Variants in APOF observed in about 807,000 individuals in gnomAD.
APOF encodes apolipoprotein F.
A neutral mutation model predicts 2.4 loss-of-function variants in APOF; 2 were observed. The ratio of observed to expected loss-of-function variants is 0.83; its 90% CI spans 0.34 to 2.61. The LOEUF is 2.61. APOF is among the 30% of genes most tolerant of loss of function. APOF has a pLI of 0.11. For missense variants in APOF, 370 were observed against 388.7 expected (o/e 0.95, Z 0.40); for synonymous variants, 149 against 155.6 (o/e 0.96, Z 0.32).
chr12:56,361,503 C>T lies in APOF; in HGVS notation c.703G>A (p.Gly235Arg), dbSNP rs763820304. 6.2e-7 allele frequency: 1 copy of T among 1,614,032 alleles called. No individual in the cohort carries two copies. Among genetic ancestry groups the T allele is most frequent in the South Asian group, 1.1e-5 (1 of 91,088 alleles). The change falls in exon 2 of 2, where the codon GGG becomes AGG. Residue 235 changes from glycine (G) to arginine (R), a missense_variant. Gly to Arg is a moderately radical substitution (Grantham distance 125). Transcript: ENST00000398189. Reference protein sequence around the residue: ...LLMTMAGMSGGPMGLAISAAL... With the variant: ...LLMTMAGMSGRPMGLAISAAL... ...GCACTGATCGCTAGACCCATAGGCC[C>T]CCCTGACATCCCAGCCATGGTCATC...
At position 56,361,805 on chromosome 12, in the gene APOF, C is replaced by T. The variant is rs1382059382; in HGVS notation, c.401G>A (p.Arg134Lys). 8 of 1,612,742 alleles carry T rather than the reference C, an allele frequency of 5.0e-6. No individual in the cohort carries two copies. The highest frequency in any genetic ancestry group is 5.9e-6 in the Non-Finnish European group (7 of 1,179,436). The change falls in exon 2 of 2, where the codon AGA becomes AAA. Residue 134 changes from arginine to lysine, a missense_variant. Physicochemically the swap from Arg to Lys is conservative, Grantham distance 26 (BLOSUM62 2). Coordinates refer to ENST00000398189, the MANE Select transcript of APOF (RefSeq NM_001638.4). ...IQHLRGLQKG[R>K]STERNVSVEA... ...CACTGACACGTTCCTCTCTGTGCTT[C>T]TGCCTTTCTGGAGCCCTCGAAGATG...
chr12:56,362,169 G>A lies in APOF; in HGVS notation c.37C>T (p.Arg13Cys), dbSNP rs539168304. The A allele has an allele frequency of 2.4e-5, 39 of 1,612,894 alleles. No homozygotes were observed. The highest frequency in any genetic ancestry group is 1.8e-4 in the East Asian group (8 of 44,902). Reference sequence around the variant, plus strand: ...GGTATCATGATGAGTCTGAGGCCACGCATGTCTGGAGCAGAGTACCCTAGA... The same window carrying A: ...GGTATCATGATGAGTCTGAGGCCACACATGTCTGGAGCAGAGTACCCTAGA... ...GLCGYSAPDMRGLRLIMIPVE... is the reference protein window; with the variant it reads ...GLCGYSAPDMCGLRLIMIPVE... Residue 13 changes from arginine to cysteine, a missense_variant, in exon 2 of 2, where the codon CGT (arginine) becomes TGT (cysteine). Coordinates refer to ENST00000398189, the MANE Select transcript of APOF (RefSeq NM_001638.4).
At position 56,362,825 on chromosome 12, in the gene APOF, G is replaced by A. The variant is rs1245484956; in HGVS notation, c.-80C>T. On this transcript the variant is annotated 5_prime_UTR_variant, in exon 1 of 2. Coordinates refer to ENST00000398189, the MANE Select transcript of APOF (RefSeq NM_001638.4). ...AGTTCTGTGTCCCATGAGGAAAGGA[G>A]ATATTTGCTTTCCCCTATGATCAGT... is the stretch of plus-strand genomic sequence containing the variant. 2.0e-6 allele frequency: 3 copies of A among 1,509,712 alleles called. No individual in the cohort carries two copies. Among genetic ancestry groups the A allele is most frequent in the African/African-American group, 1.4e-5 (1 of 72,968 alleles). 93.5% of individuals were successfully genotyped at this position (1,509,712 alleles called of 1,614,324 possible).
Position 56,360,917 on chromosome 12 carries a change from A to G in APOF, c.*308T>C. ...ATTTATTGAAAGTACTGTGATAAGC[A>G]TTTTAGATTCATTGTATCATTTTAA... On this transcript the variant is annotated 3_prime_UTR_variant, in exon 2 of 2. Transcript: ENST00000398189. The G allele has an allele frequency of 5.4e-6, 2 of 369,628 alleles. No individual in the cohort carries two copies. Among genetic ancestry groups the G allele is most frequent in the South Asian group, 6.4e-5 (2 of 31,208 alleles). 22.9% of individuals were successfully genotyped at this position (369,628 alleles called of 1,614,324 possible). A position where few individuals can be genotyped will look rare whatever the true frequency, so the allele number is the denominator to read the frequency against.
rs1880412809 is a variant in APOF, at chr12:56,362,082, G to A, written c.124C>T (p.Gln42Ter). The change falls in exon 2 of 2, where the codon CAG becomes TAG. Residue 42 changes from glutamine to a stop codon, truncating the protein, a stop_gained. Coordinates refer to ENST00000398189, the MANE Select transcript of APOF (RefSeq NM_001638.4). LOFTEE classifies it low-confidence loss of function (END_TRUNC). ...GGAAAGTGCATCAAGACATTTGTCT[G>A]CTTTCCATATGAAGTGGCATCCACA... Reference protein sequence around the residue: ...HPVDATSYGKQTNVLMHFPLS... With the variant: ...HPVDATSYGK The A allele has an allele frequency of 1.2e-6, 2 of 1,613,990 alleles. No homozygotes were observed. The highest frequency in any genetic ancestry group is 8.5e-7 in the Non-Finnish European group (1 of 1,179,878).
chr12:56,361,171 G>A lies in APOF; in HGVS notation c.*54C>T. On this transcript the variant is annotated 3_prime_UTR_variant, in exon 2 of 2. Transcript: ENST00000398189. The stretch of plus-strand genomic sequence containing the variant: ...AATCAGATTAAAATTTTGAAGACAT[G>A]TATATAGCTTGTCAGGGTAGTACAG... 7 of 1,558,100 alleles carry A rather than the reference G, an allele frequency of 4.5e-6. No homozygotes were observed. Among genetic ancestry groups the A allele is most frequent in the Admixed American group, 1.9e-5 (1 of 53,472 alleles).
At position 56,361,829 on chromosome 12, in the gene APOF, T is replaced by TG; in HGVS notation, c.376dup (p.His126ProfsTer47). 1 of 1,613,492 alleles carries TG rather than the reference T, an allele frequency of 6.2e-7. No homozygotes were observed. Among genetic ancestry groups the TG allele is most frequent in the South Asian group, 1.1e-5 (1 of 90,934 alleles). On this transcript the variant is annotated frameshift_variant, in exon 2 of 2. Coordinates refer to ENST00000398189, the MANE Select transcript of APOF (RefSeq NM_001638.4). LOFTEE classifies it low-confidence loss of function (END_TRUNC). ...TCTGCCTTTCTGGAGCCCTCGAAGA[T>TG]GCTGGATGAGGACCTGTGTAGCATT... is the stretch of plus-strand genomic sequence containing the variant.
In APOF at chr12:56,360,983, C is replaced by T; in HGVS notation, c.*242G>A. ...CATTGAGGTTAAAATCATTCTATCT[C>T]CTTTAGAAACTTCAAAACTGATCTT... On this transcript the variant is annotated 3_prime_UTR_variant, in exon 2 of 2. Coordinates refer to ENST00000398189, the MANE Select transcript of APOF (RefSeq NM_001638.4). 1 of 539,324 alleles carries T rather than the reference C, an allele frequency of 1.9e-6. No homozygotes were observed. Among genetic ancestry groups the T allele is most frequent in the East Asian group, 3.1e-5 (1 of 32,236 alleles). 33.4% of individuals were successfully genotyped at this position (539,324 alleles called of 1,614,324 possible). A position where few individuals can be genotyped will look rare whatever the true frequency, so the allele number is the denominator to read the frequency against.
rs1256488966 is a variant in APOF at position 56,361,144 on chromosome 12, T to G, written c.*81A>C. ...TTTACTGTACAGCCTTCCTCCTGGA[T>G]AAATCAGATTAAAATTTTGAAGACA... On this transcript the variant is annotated 3_prime_UTR_variant, in exon 2 of 2. Coordinates refer to ENST00000398189, the MANE Select transcript of APOF (RefSeq NM_001638.4). 1 of 1,473,306 alleles carries G rather than the reference T, an allele frequency of 6.8e-7. No homozygotes were observed. The highest frequency in any genetic ancestry group is 2.3e-5 in the East Asian group (1 of 44,010). The allele number at this position is 1,473,306 out of a possible 1,614,324, so 91.3% of individuals were successfully genotyped here. A position where few individuals can be genotyped will look rare whatever the true frequency, so the allele number is the denominator to read the frequency against.
chr12:56,361,873 G>C lies in APOF; in HGVS notation c.333C>G (p.Leu111=). The change falls in exon 2 of 2, where the codon CTC becomes CTG. Residue 111 remains leucine, a synonymous_variant. Transcript: ENST00000398189. ...TAGCATTCACACCACCCTGGCGGTA[G>C]AGCTGTAGCTGTAGAGCCCAAACAT... ...QADVWALQLQ[L]YRQGGVNATQ... 6.2e-7 allele frequency: 1 copy of C among 1,613,840 alleles called. No individual in the cohort carries two copies. Among genetic ancestry groups the C allele is most frequent in the Non-Finnish European group, 8.5e-7 (1 of 1,179,814 alleles).
rs1167949417 is a variant in APOF, at chr12:56,361,044, AG to A, written c.*180del. On this transcript the variant is annotated 3_prime_UTR_variant, in exon 2 of 2. Coordinates refer to ENST00000398189, the MANE Select transcript of APOF (RefSeq NM_001638.4). ...AGAAGTTACTATTCAGTGATCACCG[AG>A]GCTCTAACAAGTGGAGCCTAGATTC... is the stretch of plus-strand genomic sequence containing the variant. The A allele has an allele frequency of 2.0e-5, 13 of 638,094 alleles. No homozygotes were observed. The highest frequency in any genetic ancestry group is 2.0e-4 in the African/African-American group (11 of 54,466). 39.5% of individuals were successfully genotyped at this position (638,094 alleles called of 1,614,324 possible).
intron 1 of APOF, 141 bp downstream of exon 1, chr12:56,362,589 G>T (rs996599261): frequency 1.2e-6 from 1 of 810,722 alleles, no homozygotes. Context: ...CACCGCGCCT[G>T]GCCCCAAGCT....
Position 56,361,976 on chromosome 12 carries a change from C to CTTTGGG in APOF, c.229_230insCCCAAA (p.Phe76_Ser77insThrGln). On this transcript the variant is annotated inframe_insertion, in exon 2 of 2. Coordinates refer to ENST00000398189, the MANE Select transcript of APOF (RefSeq NM_001638.4). ...GAACTTGGGTAGAGGGGCCATGTGG[C>CTTTGGG]TGAAACCAGGCAGTGACTTTGGGTG... 6.2e-7 allele frequency: 1 copy of CTTTGGG among 1,614,002 alleles called. No homozygotes were observed. Among genetic ancestry groups the CTTTGGG allele is most frequent in the Non-Finnish European group, 8.5e-7 (1 of 1,179,892 alleles).
Position 56,362,646 on chromosome 12 carries a change from G to A in APOF, c.16+84C>T, listed in dbSNP as rs1465599203. Reference sequence around the variant, plus strand: ...CCTAGGAAATAGGAAATGCACCCCAGTTGCTCCCACTTGGTCTCCCCCATT... The same window carrying A: ...CCTAGGAAATAGGAAATGCACCCCAATTGCTCCCACTTGGTCTCCCCCATT... On this transcript the variant is annotated intron_variant, in intron 1 of 1. Transcript: ENST00000398189. 5.0e-6 allele frequency: 7 copies of A among 1,400,644 alleles called. No individual in the cohort carries two copies. The African/African-American group carries it at 8.5e-5, about 17-fold the overall frequency. The allele number at this position is 1,400,644 out of a possible 1,614,324, so 86.8% of individuals were successfully genotyped here.
At position 56,361,260 on chromosome 12, in the gene APOF, C is replaced by T. The variant is rs565816395; in HGVS notation, c.946G>A (p.Asp316Asn). The change falls in exon 2 of 2, where the codon GAC becomes AAC. Residue 316 changes from aspartate to asparagine, a missense_variant. Physicochemically the swap from Asp to Asn is conservative, Grantham distance 23 (BLOSUM62 1). Transcript: ENST00000398189. The stretch of plus-strand genomic sequence containing the variant: ...AGACTCCCAGCCCCAGGATCTAAGT[C>T]ATAGCTCTTGATTATGGCCCACCCC... ...YWGWAIIKSY[D>N]LDPGAGSLEI The T allele has an allele frequency of 1.3e-5, 21 of 1,613,988 alleles. No individual in the cohort carries two copies. Among genetic ancestry groups the T allele is most frequent in the Non-Finnish European group, 1.7e-5 (20 of 1,179,872 alleles).
Position 56,360,587 on chromosome 12 carries a change from TTA to T in APOF, c.*636_*637del, listed in dbSNP as rs71715186. ...CTGAGGTAATGAAAACAATTTTTTT[TTA>T]TTTTTATTTTTTGAGACATGGTCTC... is the stretch of plus-strand genomic sequence containing the variant. On this transcript the variant is annotated 3_prime_UTR_variant, in exon 2 of 2. Coordinates refer to ENST00000398189, the MANE Select transcript of APOF (RefSeq NM_001638.4). 0.19 allele frequency: 28,488 copies of T among 151,594 alleles called. 5,558 individuals carry two copies. Among genetic ancestry groups the T allele is most frequent in the African/African-American group, 0.51 (20,719 of 41,022 alleles). The allele number at this position is 151,594 out of a possible 1,614,324, so 9.4% of individuals were successfully genotyped here.
chr12:56,361,245 C>T lies in APOF; in HGVS notation c.961G>A (p.Ala321Thr). The change falls in exon 2 of 2, where the codon GCT becomes ACT. Residue 321 changes from alanine (A) to threonine (T), a missense_variant. Transcript: ENST00000398189. ...IIKSYDLDPG[A>T]GSLEI ...TTCTTTTATATCTCAAGACTCCCAGCCCCAGGATCTAAGTCATAGCTCTTG... is the reference window on the plus strand; with the variant it reads ...TTCTTTTATATCTCAAGACTCCCAGTCCCAGGATCTAAGTCATAGCTCTTG... 1 of 1,613,444 alleles carries T rather than the reference C, an allele frequency of 6.2e-7. No individual in the cohort carries two copies.
At position 56,361,277 on chromosome 12, in the gene APOF, G is replaced by A. The variant is rs1230595925; in HGVS notation, c.929C>T (p.Ala310Val). ...VVSSAPYWGW[A>V]IIKSYDLDPG... The stretch of plus-strand genomic sequence containing the variant: ...ATCTAAGTCATAGCTCTTGATTATG[G>A]CCCACCCCCAGTAGGGAGCTGAACT... Residue 310 changes from alanine to valine, a missense_variant, in exon 2 of 2, where the codon GCC becomes GTC. Transcript: ENST00000398189. 1.2e-6 allele frequency: 2 copies of A among 1,613,956 alleles called. No homozygotes were observed. The highest frequency in any genetic ancestry group is 2.2e-5 in the South Asian group (2 of 91,082).
In APOF at chr12:56,361,329, G is replaced by C; in HGVS notation, c.877C>G (p.Leu293Val). Residue 293 changes from leucine (L) to valine (V), a missense_variant, in exon 2 of 2, where the codon CTG becomes GTG. Leu to Val is a conservative substitution (Grantham distance 32). Transcript: ENST00000398189. ...DVSDLEETTTLASFISEVVSS... is the reference protein window; with the variant it reads ...DVSDLEETTTVASFISEVVSS... The stretch of plus-strand genomic sequence containing the variant: ...ACTACTTCTGATATGAAAGAAGCCA[G>C]AGTAGTTGTTTCTTCCAAGTCACTC... 1 of 1,614,052 alleles carries C rather than the reference G, an allele frequency of 6.2e-7. No individual in the cohort carries two copies. Among genetic ancestry groups the C allele is most frequent in the South Asian group, 1.1e-5 (1 of 91,084 alleles).
Sources: gnomAD v4.1 joint callset for allele counts on GRCh38, gnomAD v4.1.1 for gene constraint, MANE v1.5 for transcripts, NCBI Gene and HGNC (gene_info 2026-07-23, HGNC 2026-07-21) for gene names.